CNTNAP2: variants seen among roughly 807,000 people sequenced by gnomAD.
CNTNAP2 encodes contactin associated protein 2, also known as contactin-associated protein-like 2.
In CNTNAP2, 98 loss-of-function variants were observed where a neutral mutation model predicts 155.2. The ratio of observed to expected loss-of-function variants is 0.63; its 90% CI spans 0.54 to 0.75. The LOEUF is 0.75. CNTNAP2 is among the 30% of genes least tolerant of loss of function. The pLI is 0.00. For missense variants in CNTNAP2, 1,727 were observed against 1,688.1 expected, an observed-to-expected ratio of 1.02 and a Z score of -0.40; for synonymous variants, 651 against 631.2, an observed-to-expected ratio of 1.03 and a Z score of -0.47.
intron 10 of CNTNAP2, among the ~76,000 whole-genome samples, chr7:147,454,867 A>G (rs1031282298): frequency 6.6e-6 from 1 of 152,080 alleles, no homozygotes; most frequent in African/African-American, 2.4e-5. Flanking sequence ...GACCTTTAAT[A>G]ACACTAGGTC....
chr7:146,488,255 TC>T (rs1797086062), intron 1 of CNTNAP2, among the ~76,000 whole-genome samples: 1 of 105,118 alleles, frequency 9.5e-6, no homozygotes, highest in Non-Finnish European at 2.0e-5. Flanking sequence ...CCTCCCTTCC[TC>T]CCCTCCCCTC....
At chr7:146,288,529 GA>G (rs779452141) in intron 1 of CNTNAP2, among the ~76,000 whole-genome samples, 2 of 151,224 alleles carry the variant, frequency 1.3e-5, no homozygotes, top group African/African-American at 2.4e-5. Flanking sequence ...ACGTTGATGA[GA>G]AAAAAAAGTG....
intron 16 of CNTNAP2, among the ~76,000 whole-genome samples, chr7:148,137,892 T>C (rs766392292): frequency 6.6e-6 from 1 of 152,250 alleles, no homozygotes; most frequent in Non-Finnish European, 1.5e-5. Flanking sequence ...AATCAATCTC[T>C]TTTTATACTC....
At chr7:147,416,713 AG>A (rs935534352) in intron 10 of CNTNAP2, among the ~76,000 whole-genome samples, 3 of 152,158 alleles carry the variant, frequency 2.0e-5, no homozygotes, top group Non-Finnish European at 2.9e-5. Context: ...GCTGGATGGG[AG>A]GGCTGCTGTT....
intron 1 of CNTNAP2, among the ~76,000 whole-genome samples, chr7:146,181,786 C>CA (rs1227942880): frequency 3.3e-5 from 5 of 152,086 alleles, no homozygotes; most frequent in African/African-American, 1.2e-4. Context: ...TCTTGTCCCA[C>CA]AAAAAAATAA....
intron 13 of CNTNAP2, among the ~76,000 whole-genome samples, chr7:147,839,905 A>G (rs548787489): frequency 7.8e-4 from 118 of 151,080 alleles, no homozygotes; most frequent in African/African-American, 2.5e-3. Flanking sequence ...GTGTATATAT[A>G]TGTGTGTGTG....
At chr7:146,348,179 G>A (rs1716502161) in intron 1 of CNTNAP2, among the ~76,000 whole-genome samples, 1 of 152,108 alleles carries the variant, frequency 6.6e-6, no homozygotes, top group Non-Finnish European at 1.5e-5. Flanking sequence ...CAGCACTTTA[G>A]GAGGCCTAGT....
intron 8 of CNTNAP2, among the ~76,000 whole-genome samples, chr7:147,293,936 T>C (rs1002572567): frequency 2.6e-5 from 4 of 152,196 alleles, no homozygotes; most frequent in Admixed American, 1.3e-4. Context: ...TGCTGTAATA[T>C]GGTTTCAAAG....
intron 1 of CNTNAP2, among the ~76,000 whole-genome samples, chr7:146,269,443 C>T (rs1800045969): frequency 6.6e-6 from 1 of 152,132 alleles, no homozygotes; most frequent in African/African-American, 2.4e-5. Flanking sequence ...TGTAAGGTGG[C>T]ATTGGTACCA....
chr7:147,977,789 T>C, intron 14 of CNTNAP2, 73 bp from the exon 15 acceptor site: 5 of 1,595,928 alleles, frequency 3.1e-6, no homozygotes, highest in Non-Finnish European at 4.3e-6. Context: ...TTAGACAACG[T>C]AAGCAACTAG....
chr7:147,772,552 G>A (rs1180013794), intron 13 of CNTNAP2, among the ~76,000 whole-genome samples: 1 of 145,804 alleles, frequency 6.9e-6, no homozygotes, highest in Non-Finnish European at 1.5e-5. Flanking sequence ...AACTCACAGA[G>A]TTGCACAGCT....
At chr7:146,546,410 T>C (rs1798030292) in intron 1 of CNTNAP2, among the ~76,000 whole-genome samples, 1 of 151,858 alleles carries the variant, frequency 6.6e-6, no homozygotes, top group Non-Finnish European at 1.5e-5. Context: ...TTTAGAAAAT[T>C]TGAAGGTACA....
chr7:146,416,873 A>G (rs748788820), intron 1 of CNTNAP2, among the ~76,000 whole-genome samples: 11 of 152,172 alleles, frequency 7.2e-5, no homozygotes, highest in Non-Finnish European at 1.6e-4. Flanking sequence ...TTTAAAATGC[A>G]TAGCATCTAT....
At chr7:147,316,664 A>G (rs376157797) in intron 9 of CNTNAP2, among the ~76,000 whole-genome samples, 24 of 152,208 alleles carry the variant, frequency 1.6e-4, no homozygotes, top group African/African-American at 3.4e-4. Context: ...TTGAAAGAAT[A>G]TAAATAATGG....
chr7:146,583,992 T>C (rs539093452), intron 1 of CNTNAP2, among the ~76,000 whole-genome samples: 4 of 152,246 alleles, frequency 2.6e-5, no homozygotes, highest in Admixed American at 2.6e-4. Flanking sequence ...TGTATATTTG[T>C]CCCTGATGTA....
intron 1 of CNTNAP2, among the ~76,000 whole-genome samples, chr7:146,465,396 C>G (rs958399149): frequency 1.6e-4 from 24 of 152,062 alleles, no homozygotes; most frequent in Non-Finnish European, 3.1e-4. Flanking sequence ...AGAAACCTAC[C>G]CAGCTGTGGG....
intron 14 of CNTNAP2, among the ~76,000 whole-genome samples, chr7:147,961,002 T>C (rs1305749880): frequency 1.3e-5 from 2 of 152,152 alleles, no homozygotes; most frequent in African/African-American, 4.8e-5. Flanking sequence ...AAAGAGGTAA[T>C]TGCATATAGA....
intron 18 of CNTNAP2, among the ~76,000 whole-genome samples, chr7:148,214,442 T>A (rs898801399): frequency 4.6e-5 from 7 of 152,250 alleles, no homozygotes; most frequent in African/African-American, 1.4e-4. Flanking sequence ...GGGAAGTGAT[T>A]GTATTTTGTT....
At chr7:147,932,182 G>A (rs923667349) in intron 14 of CNTNAP2, among the ~76,000 whole-genome samples, 5 of 152,048 alleles carry the variant, frequency 3.3e-5, no homozygotes, top group Admixed American at 6.6e-5. Flanking sequence ...CACTGTGCCC[G>A]CCCCAGCATT....
Sources: allele counts gnomAD v4.1 joint callset (sites outside exome capture counted in the v4.1 genomes callset), GRCh38; gene constraint gnomAD v4.1.1; transcripts MANE v1.5; gene names NCBI Gene and HGNC (gene_info 2026-07-23, HGNC 2026-07-21).